Variants in PHACTR2 observed in about 807,000 individuals in gnomAD.
PHACTR2 encodes chromosome 6 open reading frame 56.
In PHACTR2, 30 loss-of-function variants were observed where a neutral mutation model predicts 76.0. That is an observed-to-expected ratio of 0.39 (90% CI 0.30 to 0.54). The LOEUF (loss-of-function observed/expected upper bound fraction) is 0.54. PHACTR2 is among the 20% of genes least tolerant of loss of function. The probability of loss-of-function intolerance (pLI) is 0.61; values close to 1 mark genes in which losing one functional copy is unlikely to be tolerated. For synonymous variants in PHACTR2, 292 were observed against 292.5 expected (o/e 1.00, Z 0.02); for missense variants, 696 against 781.1 (o/e 0.89, Z 1.30).
rs552842985 is a variant in PHACTR2, at chr6:143,610,357, A to G, written c.13+2035A>G. Among the ~76,000 whole-genome samples, 4 of 152,338 alleles carry G rather than the reference A, an allele frequency of 2.6e-5. No individual in the cohort carries two copies. In the South Asian group the frequency reaches 8.3e-4, roughly 32 times the overall value. On this transcript the variant is annotated intron_variant, in intron 1 of 11. Transcript: ENST00000305766. This position sits in a 1 kb window ranked among gnomAD's most constrained non-coding sequence, Gnocchi z 4.9. ...TCTCCAATTTAATTTAAAGAAGATA[A>G]TGATGTTGAGTATTTGCCTAAATTT...
At chr6:143,712,718 A>G (rs1284069275) in intron 2 of PHACTR2, among the ~76,000 whole-genome samples, 1 of 152,182 alleles carries the variant, frequency 6.6e-6, no homozygotes, top group Non-Finnish European at 1.5e-5. Flanking sequence ...GCTATATGAA[A>G]GAAAAGTTTT....
At position 143,537,199 on chromosome 6, in the gene PHACTR2, C is replaced by T; in HGVS notation, c.209C>T (p.Ser70Phe). ...GGCCGCCCGCTCCGGGTCCACATCT[C>T]CGGCTCAGGTAAGAGCGGCTCGGGG... The change falls in exon 1 of 12, where the codon TCC becomes TTC. Residue 70 changes from serine to phenylalanine, a missense_variant. Ser to Phe is a radical substitution (Grantham distance 155). Transcript: ENST00000367584. This position sits in a 1 kb window ranked among gnomAD's most constrained non-coding sequence, Gnocchi z 4.4. 1 of 288,802 alleles carries T rather than the reference C, an allele frequency of 3.5e-6. No individual in the cohort carries two copies. The highest frequency in any genetic ancestry group is 6.7e-6 in the Non-Finnish European group (1 of 148,152). 17.9% of individuals were successfully genotyped at this position (288,802 alleles called of 1,614,324 possible).
chr6:143,624,696 A>G lies in PHACTR2; in HGVS notation c.13+16374A>G, dbSNP rs1475773578. Among the ~76,000 whole-genome samples the G allele has an allele frequency of 6.6e-6, 1 of 152,094 alleles. No individual in the cohort carries two copies. Among genetic ancestry groups the G allele is most frequent in the Non-Finnish European group, 1.5e-5 (1 of 68,016 alleles). On this transcript the variant is annotated intron_variant, in intron 1 of 11. Coordinates refer to the PHACTR2 transcript ENST00000305766. The surrounding 1 kb of genome is among the most constrained non-coding windows in gnomAD (Gnocchi z 4.6). Reference sequence around the variant, plus strand: ...TCTGCCCTTGAGGAGCTCCAGGCCTAAAGCTGGAACCCCACGGTTGCCCTG... The same window carrying G: ...TCTGCCCTTGAGGAGCTCCAGGCCTGAAGCTGGAACCCCACGGTTGCCCTG...
Position 143,548,897 on chromosome 6 carries a change from A to T in PHACTR2, c.217+11690A>T, listed in dbSNP as rs1184364836. Among the ~76,000 whole-genome samples, 1 of 151,932 alleles carries T rather than the reference A, an allele frequency of 6.6e-6. No individual in the cohort carries two copies. The highest frequency in any genetic ancestry group is 1.5e-5 in the Non-Finnish European group (1 of 67,952). ...CATAGGTGTTTTAGAGTTGTGGGGGAAACAAGCAAGAATGAGGCATGTTCC... is the reference window on the plus strand; with the variant it reads ...CATAGGTGTTTTAGAGTTGTGGGGGTAACAAGCAAGAATGAGGCATGTTCC... On this transcript the variant is annotated intron_variant, in intron 1 of 11. Transcript: ENST00000367584. The surrounding 1 kb of genome is among the most constrained non-coding windows in gnomAD (Gnocchi z 4.5).
Position 143,802,220 on chromosome 6 carries a change from GT to G in PHACTR2, c.1846-4834del, listed in dbSNP as rs1257429403. 5.9e-5 allele frequency among the ~76,000 whole-genome samples: 9 copies of G among 152,126 alleles called. No individual in the cohort carries two copies. The East Asian group carries it at 1.5e-3, about 26-fold the overall frequency. ...CTCATAGAGCTTTGTTGTTGTTGTTGTTTCTACTCTAGAAATACCTAGTTTT... is the reference window on the plus strand; with the variant it reads ...CTCATAGAGCTTTGTTGTTGTTGTTGTTCTACTCTAGAAATACCTAGTTTT... On this transcript the variant is annotated intron_variant, in intron 11 of 12. Coordinates refer to ENST00000440869, the MANE Select transcript of PHACTR2 (RefSeq NM_001100164.2).
chr6:143,827,196 A>ATATATATATATATATATATG lies in PHACTR2; in HGVS notation c.*3510_*3511insATATATATATATATATGTAT, dbSNP rs1337456568. On this transcript the variant is annotated 3_prime_UTR_variant, in exon 13 of 13. Coordinates refer to ENST00000440869, the MANE Select transcript of PHACTR2 (RefSeq NM_001100164.2). ...TATATATATATATATATATATATAT[A>ATATATATATATATATATATG]TATGTATATTATATATACAGTAGCT... 8.3e-6 allele frequency: 1 copy of ATATATATATATATATATATG among 120,188 alleles called. No homozygotes were observed. The highest frequency in any genetic ancestry group is 3.0e-5 in the African/African-American group (1 of 33,066). 7.4% of individuals were successfully genotyped at this position (120,188 alleles called of 1,614,324 possible). A position where few individuals can be genotyped will look rare whatever the true frequency, so the allele number is the denominator to read the frequency against.
In PHACTR2 at chr6:143,745,818, CAG is replaced by C. The variant is rs141889102; in HGVS notation, c.215-3164_215-3163del. Among the ~76,000 whole-genome samples, 415 of 152,350 alleles carry C rather than the reference CAG, an allele frequency of 2.7e-3. 5 individuals are homozygous for C. The South Asian group carries it at 0.038, about 14-fold the overall frequency. On this transcript the variant is annotated intron_variant, in intron 2 of 12. Coordinates refer to ENST00000440869, the MANE Select transcript of PHACTR2 (RefSeq NM_001100164.2). ...CAAATAGCCAACGGCATTTTCCTAT[CAG>C]AGCCTGTTTATAGGAGGTAGAGCAA... is the stretch of plus-strand genomic sequence containing the variant.
intron 6 of PHACTR2, among the ~76,000 whole-genome samples, chr6:143,766,730 G>A (rs1050494721): frequency 6.6e-6 from 1 of 152,142 alleles, no homozygotes; most frequent in African/African-American, 2.4e-5. Context: ...GAAACCTGGG[G>A]TTCATCCAAG....
chr6:143,674,624 T>A (rs1352081233), upstream of PHACTR2, among the ~76,000 whole-genome samples: 1 of 152,126 alleles, frequency 6.6e-6, no homozygotes, highest in African/African-American at 2.4e-5. This position sits in a 1 kb window ranked among gnomAD's most constrained non-coding sequence, Gnocchi z 4.9. Context: ...AACCCTTCCC[T>A]CCCATCATAA....
chr6:143,614,104 T>A (rs1187005412), intron 1 of PHACTR2, among the ~76,000 whole-genome samples: 1 of 152,056 alleles, frequency 6.6e-6, no homozygotes, highest in Non-Finnish European at 1.5e-5. Context: ...TACCTGTAGT[T>A]CCAGCTACTT....
In PHACTR2 at chr6:143,709,545, G is replaced by C. The variant is rs1778123546; in HGVS notation, c.47-2471G>C. On this transcript the variant is annotated intron_variant, in intron 1 of 12. Coordinates refer to ENST00000440869, the MANE Select transcript of PHACTR2 (RefSeq NM_001100164.2). The surrounding 1 kb of genome is among the most constrained non-coding windows in gnomAD (Gnocchi z 4.4). ...ACTCTAGATCTTGTTTGAAACCTTT[G>C]GTTTTAACTGGCTTTGTCTGACACC... Among the ~76,000 whole-genome samples the C allele has an allele frequency of 6.6e-6, 1 of 152,150 alleles. No homozygotes were observed. Among genetic ancestry groups the C allele is most frequent in the Admixed American group, 6.5e-5 (1 of 15,284 alleles).
Position 143,547,844 on chromosome 6 carries a change from C to T in PHACTR2, c.217+10637C>T, listed in dbSNP as rs1162332712. Among the ~76,000 whole-genome samples, 1 of 152,142 alleles carries T rather than the reference C, an allele frequency of 6.6e-6. No individual in the cohort carries two copies. The highest frequency in any genetic ancestry group is 1.5e-5 in the Non-Finnish European group (1 of 68,026). On this transcript the variant is annotated intron_variant, in intron 1 of 11. Transcript: ENST00000367584. The surrounding 1 kb of genome is among the most constrained non-coding windows in gnomAD (Gnocchi z 4.2). ...TTTTTGTTTCCAGGGATTGATCTAA[C>T]TCTCTCTTGCCCGCTGTATCTATGT...
In PHACTR2 at chr6:143,581,168, T is replaced by G. The variant is rs1775567805; in HGVS notation, c.217+43961T>G. Among the ~76,000 whole-genome samples the G allele has an allele frequency of 6.6e-6, 1 of 152,206 alleles. No homozygotes were observed. Among genetic ancestry groups the G allele is most frequent in the African/African-American group, 2.4e-5 (1 of 41,458 alleles). Reference sequence around the variant, plus strand: ...CCAACCTCAGGGCTTGGCTCAATATTCTAGAACTTTACCCTTGTTCTCAAG... The same window carrying G: ...CCAACCTCAGGGCTTGGCTCAATATGCTAGAACTTTACCCTTGTTCTCAAG... On this transcript the variant is annotated intron_variant, in intron 1 of 11. Coordinates refer to the PHACTR2 transcript ENST00000367584. This position sits in a 1 kb window ranked among gnomAD's most constrained non-coding sequence, Gnocchi z 4.5.
chr6:143,560,570 C>G (rs769381335), intron 1 of PHACTR2, among the ~76,000 whole-genome samples: 16 of 152,308 alleles, frequency 1.1e-4, no homozygotes, highest in South Asian at 8.3e-4. Flanking sequence ...GTTGCTGTGT[C>G]TGGGTGCTTA....
chr6:143,760,299 C>T lies in PHACTR2; in HGVS notation c.455-102C>T. ...AGAACTCCATGCTGATTCTCAAGTACCAAGCAGACACGCTTTGTGTCACTA... is the reference window on the plus strand; with the variant it reads ...AGAACTCCATGCTGATTCTCAAGTATCAAGCAGACACGCTTTGTGTCACTA... On this transcript the variant is annotated intron_variant, in intron 4 of 12. Coordinates refer to ENST00000440869, the MANE Select transcript of PHACTR2 (RefSeq NM_001100164.2). This position sits in a 1 kb window ranked among gnomAD's most constrained non-coding sequence, Gnocchi z 6.4. The T allele has an allele frequency of 9.5e-7, 1 of 1,047,208 alleles. No individual in the cohort carries two copies. The highest frequency in any genetic ancestry group is 2.4e-5 in the Admixed American group (1 of 41,782). The allele number at this position is 1,047,208 out of a possible 1,614,324, so 64.9% of individuals were successfully genotyped here. A position where few individuals can be genotyped will look rare whatever the true frequency, so the allele number is the denominator to read the frequency against.
rs1004113525 is a variant in PHACTR2 at position 143,683,303 on chromosome 6, T to C, written c.46+5094T>C. On this transcript the variant is annotated intron_variant, in intron 1 of 12. Transcript: ENST00000440869. This position sits in a 1 kb window ranked among gnomAD's most constrained non-coding sequence, Gnocchi z 4.1. ...CAACAAATAGTCTCAATAAGCAGCC[T>C]GACTGCTTTAAACCAATGATTATAT... is the stretch of plus-strand genomic sequence containing the variant. 6.6e-6 allele frequency among the ~76,000 whole-genome samples: 1 copy of C among 152,230 alleles called. No homozygotes were observed. Among genetic ancestry groups the C allele is most frequent in the Non-Finnish European group, 1.5e-5 (1 of 68,036 alleles).
chr6:143,629,533 C>G (rs1331274442), intron 1 of PHACTR2, among the ~76,000 whole-genome samples: 1 of 152,022 alleles, frequency 6.6e-6, no homozygotes, highest in Admixed American at 6.6e-5. Flanking sequence ...TTGAGTATTG[C>G]GATGGAAGCT....
chr6:143,670,533 G>T (rs971252089), intron 1 of PHACTR2, among the ~76,000 whole-genome samples: 13 of 152,110 alleles, frequency 8.5e-5, no homozygotes, highest in Admixed American at 5.2e-4. Flanking sequence ...TGGAGGCTTT[G>T]TTCATTCCCT....
chr6:143,622,457 C>T (rs1417934754), intron 1 of PHACTR2, among the ~76,000 whole-genome samples: 1 of 152,338 alleles, frequency 6.6e-6, no homozygotes, highest in African/African-American at 2.4e-5. Flanking sequence ...GTTACCTTAC[C>T]GTTGGTTTCC....
Sources: gnomAD v4.1 joint callset for allele counts (sites outside exome capture counted in the v4.1 genomes callset) on GRCh38, gnomAD v4.1.1 for gene constraint, Gnocchi (gnomAD v3.1) non-coding constraint, MANE v1.5 for transcripts, NCBI Gene and HGNC (gene_info 2026-07-23, HGNC 2026-07-21) for gene names.